Variants in RESF1 observed in about 807,000 individuals in gnomAD.
RESF1 encodes retroelement silencing factor 1, also known as gonad expressed transcript.
RESF1 carries 65 observed loss-of-function variants against 134.7 expected under a neutral mutation model. The observed-to-expected ratio is 0.48, with a 90% confidence interval of 0.40 to 0.59. The LOEUF (loss-of-function observed/expected upper bound fraction) is 0.59, where lower values mean the gene tolerates loss of function less well. Ranked by LOEUF, RESF1 falls within the 20% of genes least tolerant of loss-of-function variation. The pLI, the probability that RESF1 is intolerant of heterozygous loss-of-function variation, is 0.00. For synonymous variants in RESF1, 762 were observed against 702.2 expected, an observed-to-expected ratio of 1.09 and a Z score of -1.35; for missense variants, 2,274 against 2,002.7, an observed-to-expected ratio of 1.14 and a Z score of -2.59.
chr12:31,974,900 A>G lies in RESF1; in HGVS notation c.-79+4544A>G, dbSNP rs1233944853. On this transcript the variant is annotated intron_variant, in intron 3 of 5. Transcript: ENST00000312561. The stretch of plus-strand genomic sequence containing the variant: ...GAGTCCTAACGCCTGAGAGTTGTAA[A>G]ATGAGTGTCAGCATGTGGTGGCTGC... Among the ~76,000 whole-genome samples, 4 of 151,682 alleles carry G rather than the reference A, an allele frequency of 2.6e-5. No individual in the cohort carries two copies. The East Asian group carries it at 7.7e-4, about 29-fold the overall frequency.
intron 5 of RESF1, among the ~76,000 whole-genome samples, chr12:31,989,219 AC>A (rs1940043297): frequency 6.7e-6 from 1 of 149,946 alleles, no homozygotes; most frequent in Non-Finnish European, 1.5e-5. Flanking sequence ...ACACGGTGAA[AC>A]CCTGTCTCTA....
At position 31,992,789 on chromosome 12, in the gene RESF1, A is replaced by G. The variant is rs1295458289; in HGVS notation, c.*254A>G. On this transcript the variant is annotated 3_prime_UTR_variant, in exon 6 of 6. Transcript: ENST00000312561. ...ACTTTATTGAACCAGATTTACCATT[A>G]TTTTAAAAGGAATGCTTATACAAAT... is the stretch of plus-strand genomic sequence containing the variant. The G allele has an allele frequency of 2.3e-6, 1 of 442,222 alleles. No individual in the cohort carries two copies. The highest frequency in any genetic ancestry group is 4.1e-6 in the Non-Finnish European group (1 of 245,498). 27.4% of individuals were successfully genotyped at this position (442,222 alleles called of 1,614,324 possible).
At chr12:31,969,995 G>T (rs1042170221) in intron 2 of RESF1, among the ~76,000 whole-genome samples, 194 bp from the exon 3 acceptor site, 2 of 152,166 alleles carry the variant, frequency 1.3e-5, no homozygotes, top group African/African-American at 2.4e-5. Flanking sequence ...TATAATTTTA[G>T]ATTATTTTTT....
rs199612712 is a variant in RESF1 at position 31,982,502 on chromosome 12, C to G, written c.1547C>G (p.Pro516Arg). Residue 516 changes from proline to arginine, a missense_variant, in exon 4 of 6, where the codon CCA becomes CGA. Coordinates refer to ENST00000312561, the MANE Select transcript of RESF1 (RefSeq NM_018169.4). ...NPVYSEKRPMPDSSHDVKVLT... is the reference protein window; with the variant it reads ...NPVYSEKRPMRDSSHDVKVLT... ...GTCTATTCTGAAAAGCGGCCAATGCCAGACTCATCTCATGATGTGAAAGTT... is the reference window on the plus strand; with the variant it reads ...GTCTATTCTGAAAAGCGGCCAATGCGAGACTCATCTCATGATGTGAAAGTT... The G allele has an allele frequency of 1.5e-5, 24 of 1,613,532 alleles. No individual in the cohort carries two copies. Among genetic ancestry groups the G allele is most frequent in the Non-Finnish European group, 1.9e-5 (22 of 1,180,004 alleles).
intron 2 of RESF1, among the ~76,000 whole-genome samples, chr12:31,961,636 G>A (rs960227694): frequency 6.6e-6 from 1 of 152,182 alleles, no homozygotes; most frequent in Non-Finnish European, 1.5e-5. Flanking sequence ...CTAAATTTAT[G>A]AGCTTTTTAT....
chr12:31,977,654 A>G (rs897473739), intron 3 of RESF1, among the ~76,000 whole-genome samples: 7 of 152,150 alleles, frequency 4.6e-5, no homozygotes, highest in Admixed American at 2.6e-4. Context: ...TCATAAAACA[A>G]GTGTCTATAT....
In RESF1 at chr12:31,983,647, C is replaced by G. The variant is rs1474820883; in HGVS notation, c.2692C>G (p.Leu898Val). 2 of 1,614,030 alleles carry G rather than the reference C, an allele frequency of 1.2e-6. No homozygotes were observed. Among genetic ancestry groups the G allele is most frequent in the Non-Finnish European group, 8.5e-7 (1 of 1,179,984 alleles). Reference sequence around the variant, plus strand: ...ATTACAGATTGACAATATTTGTTCTCTGGTTGAAGGTGATACCTCTTACAA... The same window carrying G: ...ATTACAGATTGACAATATTTGTTCTGTGGTTGAAGGTGATACCTCTTACAA... ...DTLQIDNICS[L>V]VEGDTSYNSQ... Residue 898 changes from leucine to valine, a missense_variant, in exon 4 of 6, where the codon CTG becomes GTG. Leu to Val is a conservative substitution (Grantham distance 32). Coordinates refer to ENST00000312561, the MANE Select transcript of RESF1 (RefSeq NM_018169.4).
At chr12:31,979,605 A>G (rs971456494) in intron 3 of RESF1, among the ~76,000 whole-genome samples, 5 of 151,624 alleles carry the variant, frequency 3.3e-5, no homozygotes, top group African/African-American at 1.2e-4. Context: ...TGGTGCCACC[A>G]TGGCTCACTG....
Position 31,983,414 on chromosome 12 carries a change from G to A in RESF1, c.2459G>A (p.Gly820Glu), listed in dbSNP as rs781507968. 2.4e-5 allele frequency: 39 copies of A among 1,613,906 alleles called. No individual in the cohort carries two copies. Among genetic ancestry groups the A allele is most frequent in the Admixed American group, 6.7e-5 (4 of 59,992 alleles). Reference sequence around the variant, plus strand: ...GCTGCTTTGAAAGTTGATGTTAGTGGACCAGTAGCAAGTACAGCAACATCA... The same window carrying A: ...GCTGCTTTGAAAGTTGATGTTAGTGAACCAGTAGCAAGTACAGCAACATCA... Reference protein sequence around the residue: ...ATAALKVDVSGPVASTATSTK... With the variant: ...ATAALKVDVSEPVASTATSTK... Residue 820 changes from glycine (G) to glutamate (E), a missense_variant, in exon 4 of 6, where the codon GGA becomes GAA. By Grantham distance (98) the Gly-to-Glu change is moderately conservative (BLOSUM62 -2). Coordinates refer to ENST00000312561, the MANE Select transcript of RESF1 (RefSeq NM_018169.4).
rs1939853798 is a variant in RESF1 at position 31,983,167 on chromosome 12, T to C, written c.2212T>C (p.Leu738=). 1 of 1,611,252 alleles carries C rather than the reference T, an allele frequency of 6.2e-7. No individual in the cohort carries two copies. The highest frequency in any genetic ancestry group is 1.1e-5 in the South Asian group (1 of 90,638). Residue 738 remains leucine (L), a synonymous_variant, in exon 4 of 6, where the codon TTG becomes CTG. Transcript: ENST00000312561. ...AAGTAATCCCTCACAGCAGACAGCT[T>C]TGTCGATGGTAATGCACAATTATGA... ...KISNPSQQTA[L]SMVMHNYESS...
chr12:31,988,671 T>G (rs1287158676), intron 5 of RESF1, among the ~76,000 whole-genome samples: 1 of 139,530 alleles, frequency 7.2e-6, no homozygotes, highest in Non-Finnish European at 1.5e-5. Context: ...GAGGACCAAC[T>G]AGAAAAAGTA....
intron 3 of RESF1, among the ~76,000 whole-genome samples, chr12:31,975,700 T>C (rs1939618571): frequency 6.6e-6 from 1 of 152,234 alleles, no homozygotes. Context: ...TGGTTGGTTT[T>C]GTCTGTGTTT....
At position 31,983,412 on chromosome 12, in the gene RESF1, T is replaced by C. The variant is rs1387975296; in HGVS notation, c.2457T>C (p.Ser819=). 4.3e-6 allele frequency: 7 copies of C among 1,614,040 alleles called. No individual in the cohort carries two copies. The highest frequency in any genetic ancestry group is 1.7e-5 in the Admixed American group (1 of 60,028). ...CTGCTGCTTTGAAAGTTGATGTTAG[T>C]GGACCAGTAGCAAGTACAGCAACAT... ...KATAALKVDV[S]GPVASTATST... is the part of the protein sequence containing the mutation. Residue 819 remains serine (S), a synonymous_variant, in exon 4 of 6, where the codon AGT becomes AGC. Transcript: ENST00000312561.
At chr12:31,971,522 A>T (rs1040561514) in intron 3 of RESF1, among the ~76,000 whole-genome samples, 1 of 152,196 alleles carries the variant, frequency 6.6e-6, no homozygotes, top group African/African-American at 2.4e-5. Flanking sequence ...GATCTAAGGT[A>T]TATCTCTTGG....
At chr12:31,992,347 A>G in intron 5 of RESF1, 31 bp from the exon 6 acceptor site, 1 of 1,558,646 alleles carries the variant, frequency 6.4e-7, no homozygotes, top group Non-Finnish European at 8.8e-7. Context: ...ACATTGAGAA[A>G]TAAAGTAAGT....
intron 2 of RESF1, among the ~76,000 whole-genome samples, chr12:31,965,150 T>C (rs994482438): frequency 6.6e-6 from 1 of 152,002 alleles, no homozygotes; most frequent in Non-Finnish European, 1.5e-5. Context: ...AGAGGCGAGG[T>C]TTCACCATGT....
Position 31,993,054 on chromosome 12 carries a change from G to A in RESF1, c.*519G>A, listed in dbSNP as rs902552656. On this transcript the variant is annotated 3_prime_UTR_variant, in exon 6 of 6. Coordinates refer to ENST00000312561, the MANE Select transcript of RESF1 (RefSeq NM_018169.4). Reference sequence around the variant, plus strand: ...AAACTGAACACAATTTTGGGACAACGTTTAAACATTACTTTTCATACTTGA... The same window carrying A: ...AAACTGAACACAATTTTGGGACAACATTTAAACATTACTTTTCATACTTGA... 1 of 152,842 alleles carries A rather than the reference G, an allele frequency of 6.5e-6. No homozygotes were observed. The highest frequency in any genetic ancestry group is 2.4e-5 in the African/African-American group (1 of 41,428). 9.5% of individuals were successfully genotyped at this position (152,842 alleles called of 1,614,324 possible). A position where few individuals can be genotyped will look rare whatever the true frequency, so the allele number is the denominator to read the frequency against.
In RESF1 at chr12:31,981,209, C is replaced by T; in HGVS notation, c.254C>T (p.Ala85Val). The change falls in exon 4 of 6, where the codon GCC (alanine) becomes GTC (valine). Residue 85 changes from alanine (A) to valine (V), a missense_variant. Ala to Val is a moderately conservative substitution (Grantham distance 64, BLOSUM62 0). Transcript: ENST00000312561. The stretch of plus-strand genomic sequence containing the variant: ...GATATGCATAATGGGACAGTTGTGG[C>T]CTCACACACTTCAGTAGAAAGAATA... ...VSDMHNGTVVASHTSVERITY... is the reference protein window; with the variant it reads ...VSDMHNGTVVVSHTSVERITY... The T allele has an allele frequency of 6.2e-7, 1 of 1,614,078 alleles. No homozygotes were observed. Among genetic ancestry groups the T allele is most frequent in the Non-Finnish European group, 8.5e-7 (1 of 1,180,000 alleles).
At chr12:31,976,905 C>T (rs920064834) in intron 3 of RESF1, among the ~76,000 whole-genome samples, 2 of 152,134 alleles carry the variant, frequency 1.3e-5, no homozygotes, top group Admixed American at 6.5e-5. Context: ...ACTGTAGTGT[C>T]TCATACAGTG....
Sources: allele counts gnomAD v4.1 joint callset (sites outside exome capture counted in the v4.1 genomes callset), GRCh38; gene constraint gnomAD v4.1.1; transcripts MANE v1.5; gene names NCBI Gene and HGNC (gene_info 2026-07-23, HGNC 2026-07-21).